The following SLC3A2 variants were observed in gnomAD, a reference collection of about 807,000 sequenced individuals.
SLC3A2 encodes solute carrier family 3 member 2, also known as amino acid transporter heavy chain SLC3A2.
A neutral mutation model predicts 48.5 loss-of-function variants in SLC3A2; 32 were observed. The observed-to-expected ratio is 0.66, with a 90% confidence interval of 0.50 to 0.89. The LOEUF is 0.89. Ranked by LOEUF, SLC3A2 falls within the 40% of genes least tolerant of loss-of-function variation. The pLI is 0.00. For synonymous variants in SLC3A2, 277 were observed against 288.8 expected, an observed-to-expected ratio of 0.96 and a Z score of 0.41; for missense variants, 587 against 680.7, an observed-to-expected ratio of 0.86 and a Z score of 1.53.
chr11:62,884,534 C>T lies in SLC3A2; in HGVS notation c.759+9C>T. Reference sequence around the variant, plus strand: ...ACATAGAGAATCTGAAGGTGAGTTCCCTTTCCACATTAGGGACAAAGCTTG... The same window carrying T: ...ACATAGAGAATCTGAAGGTGAGTTCTCTTTCCACATTAGGGACAAAGCTTG... On this transcript the variant is annotated intron_variant, in intron 4 of 8. Transcript: ENST00000338663. 6.2e-7 allele frequency: 1 copy of T among 1,614,200 alleles called. No individual in the cohort carries two copies. Among genetic ancestry groups the T allele is most frequent in the Non-Finnish European group, 8.5e-7 (1 of 1,180,028 alleles).
chr11:62,871,749 A>G (rs2085519640), intron 1 of SLC3A2: 10 of 476,978 alleles, frequency 2.1e-5, no homozygotes, highest in South Asian at 1.6e-4. Flanking sequence ...TTCTTTAAAG[A>G]TATCTTTACT....
chr11:62,859,442 C>G (rs1215683820), intron 1 of SLC3A2, among the ~76,000 whole-genome samples: 1 of 152,154 alleles, frequency 6.6e-6, no homozygotes, highest in African/African-American at 2.4e-5. Context: ...TACACAGACA[C>G]AGTAACAATC....
chr11:62,883,288 T>G, intron 3 of SLC3A2: 1 of 375,026 alleles, frequency 2.7e-6, no homozygotes, highest in Non-Finnish European at 5.0e-6. Flanking sequence ...TTCTTTCTTT[T>G]GGGAGAGGAA....
chr11:62,870,191 A>AT (rs1048883000), intron 1 of SLC3A2, among the ~76,000 whole-genome samples: 9 of 146,392 alleles, frequency 6.1e-5, no homozygotes, highest in East Asian at 2.1e-4. Context: ...TTATTTATTT[A>AT]TTTTTTTTTG....
intron 3 of SLC3A2, 75 bp downstream of exon 3, chr11:62,883,074 G>A (rs376519768): frequency 7.5e-7 from 1 of 1,331,376 alleles, no homozygotes; most frequent in South Asian, 1.2e-5. Context: ...AAGCCCTGTA[G>A]ACCCAGCCTG....
Position 62,885,106 on chromosome 11 carries a change from C to T in SLC3A2, c.819-71C>T, listed in dbSNP as rs978252671. On this transcript the variant is annotated intron_variant, in intron 5 of 8. Transcript: ENST00000338663. ...TCAGCCTCCCAAAGTGTTGGGATTACAGGCGTGAGCCACTGCGCCTGGCCC... is the reference window on the plus strand; with the variant it reads ...TCAGCCTCCCAAAGTGTTGGGATTATAGGCGTGAGCCACTGCGCCTGGCCC... 2.5e-5 allele frequency: 38 copies of T among 1,535,562 alleles called. No individual in the cohort carries two copies. In the African/African-American group the frequency reaches 4.5e-4, roughly 18 times the overall value.
intron 1 of SLC3A2, among the ~76,000 whole-genome samples, chr11:62,875,046 A>G (rs2085557053): frequency 6.6e-6 from 1 of 152,212 alleles, no homozygotes. Context: ...TACAGGCATG[A>G]GCCACCACAC....
rs1171433265 is a variant in SLC3A2 at position 62,874,772 on chromosome 11, C to CTTTTCTTTTT, written c.113-6243_113-6242insCTTTTTTTTT. ...TCACCCATCTTTCCTTTTTCTTTTT[C>CTTTTCTTTTT]TTTTTTTTTTTTTTGGAGACAGAGT... On this transcript the variant is annotated intron_variant, in intron 1 of 9. Coordinates refer to the SLC3A2 transcript ENST00000377889. Among the ~76,000 whole-genome samples the CTTTTCTTTTT allele has an allele frequency of 1.5e-4, 21 of 142,906 alleles. No individual in the cohort carries two copies. In the East Asian group the frequency reaches 1.6e-3, roughly 11 times the overall value. The allele number at this position is 142,906 out of a possible 152,430, so 93.8% of individuals were successfully genotyped here.
At chr11:62,879,810 T>C (rs926293809), upstream of SLC3A2, among the ~76,000 whole-genome samples, 2 of 152,210 alleles carry the variant, frequency 1.3e-5, no homozygotes, top group Non-Finnish European at 2.9e-5. Context: ...CCCCACGGTG[T>C]TGATGTCCGG....
chr11:62,857,122 CAAACA>C, intron 1 of SLC3A2, among the ~76,000 whole-genome samples: 1 of 151,510 alleles, frequency 6.6e-6, no homozygotes. Flanking sequence ...CGCGCCCGGC[CAAACA>C]TTTTTTTCTT....
At chr11:62,880,774 T>C (rs1002060851), upstream of SLC3A2, 2 of 569,394 alleles carry the variant, frequency 3.5e-6, no homozygotes, top group Middle Eastern at 4.7e-4. Context: ...GTCGGAGGCG[T>C]GTTCCTGACT....
rs1378386839 is a variant in SLC3A2, at chr11:62,881,787, C to G, written c.425-106C>G. The G allele has an allele frequency of 6.1e-6, 8 of 1,317,034 alleles. No individual in the cohort carries two copies. The highest frequency in any genetic ancestry group is 8.4e-6 in the Non-Finnish European group (8 of 947,206). 81.6% of individuals were successfully genotyped at this position (1,317,034 alleles called of 1,614,324 possible). A position where few individuals can be genotyped will look rare whatever the true frequency, so the allele number is the denominator to read the frequency against. ...ATTCAGCCTTGCCTCCCTCTCTCCC[C>G]CTTTGCCCCCTCCCCGTCCCACCCT... is the stretch of plus-strand genomic sequence containing the variant. On this transcript the variant is annotated intron_variant, in intron 1 of 8. Coordinates refer to ENST00000338663, the MANE Select transcript of SLC3A2 (RefSeq NM_001013251.3). The surrounding 1 kb of genome is among the most constrained non-coding windows in gnomAD (Gnocchi z 4.0).
rs2085629592 is a variant in SLC3A2 at position 62,881,121 on chromosome 11, C to T, written c.98C>T (p.Ser33Phe). The part of the protein sequence containing the change: ...PMNAASGAAM[S>F]LAGAEKNGLV... The stretch of plus-strand genomic sequence containing the variant: ...AACGCGGCGTCTGGGGCGGCCATGT[C>T]CCTGGCGGGAGCCGAGAAGAATGGT... The change falls in exon 1 of 9, where the codon TCC becomes TTC. Residue 33 changes from serine to phenylalanine, a missense_variant. Transcript: ENST00000338663. This position sits in a 1 kb window ranked among gnomAD's most constrained non-coding sequence, Gnocchi z 4.0. 6.2e-7 allele frequency: 1 copy of T among 1,607,672 alleles called. No individual in the cohort carries two copies.
chr11:62,888,341 A>G lies in SLC3A2; in HGVS notation c.1238A>G (p.Glu413Gly). The change falls in exon 9 of 9, where the codon GAA becomes GGA. Residue 413 changes from glutamate (E) to glycine (G), a missense_variant. Transcript: ENST00000338663. The part of the protein sequence containing the change: ...SANMTVKGQS[E>G]DPGSLLSLFR... ...TTTTATCATTCTTAGGGCCAGAGTG[A>G]AGACCCTGGCTCCCTCCTTTCCTTG... 6.2e-7 allele frequency: 1 copy of G among 1,613,702 alleles called. No homozygotes were observed. The highest frequency in any genetic ancestry group is 8.5e-7 in the Non-Finnish European group (1 of 1,179,724).
intron 1 of SLC3A2, among the ~76,000 whole-genome samples, chr11:62,862,795 GTGTT>G (rs1243645079): frequency 6.6e-6 from 1 of 152,180 alleles, no homozygotes; most frequent in East Asian, 1.9e-4. Flanking sequence ...GGTCTGGAGA[GTGTT>G]TGTTCAAGGA....
At chr11:62,880,220 C>T (rs557428643), upstream of SLC3A2, among the ~76,000 whole-genome samples, 7 of 152,276 alleles carry the variant, frequency 4.6e-5, no homozygotes, top group African/African-American at 1.4e-4. Flanking sequence ...TTTTAAAGTA[C>T]TGTGAAGAAG....
chr11:62,856,419 T>G (rs2085323721), intron 1 of SLC3A2: 6 of 1,546,772 alleles, frequency 3.9e-6, no homozygotes, highest in Non-Finnish European at 5.3e-6. Flanking sequence ...GGAGGTCCCC[T>G]TTGGTGGGGC....
chr11:62,877,466 C>T (rs1018540751), upstream of SLC3A2, among the ~76,000 whole-genome samples: 4 of 152,242 alleles, frequency 2.6e-5, no homozygotes, highest in African/African-American at 9.6e-5. Context: ...TCCGAATAGG[C>T]AGGTTCGTCC....
At position 62,881,747 on chromosome 11, in the gene SLC3A2, CCT is replaced by C. The variant is rs2085642644; in HGVS notation, c.425-143_425-142del. 8.4e-6 allele frequency: 8 copies of C among 951,172 alleles called. No individual in the cohort carries two copies. Among genetic ancestry groups the C allele is most frequent in the South Asian group, 3.4e-5 (2 of 59,448 alleles). 58.9% of individuals were successfully genotyped at this position (951,172 alleles called of 1,614,324 possible). On this transcript the variant is annotated intron_variant, in intron 1 of 8. Transcript: ENST00000338663. This position sits in a 1 kb window ranked among gnomAD's most constrained non-coding sequence, Gnocchi z 4.0. ...ATGTGCAGGACTCCTTACATCAGCT[CCT>C]CTGAGTCTCGTGATTCAGCCTTGCC... is the stretch of plus-strand genomic sequence containing the variant.
Sources: gnomAD v4.1 joint callset for allele counts (sites outside exome capture counted in the v4.1 genomes callset) on GRCh38, gnomAD v4.1.1 for gene constraint, Gnocchi (gnomAD v3.1) non-coding constraint, MANE v1.5 for transcripts, NCBI Gene and HGNC (gene_info 2026-07-23, HGNC 2026-07-21) for gene names.